ATP2B4: variants seen among roughly 807,000 people sequenced by gnomAD.
ATP2B4 encodes the protein ATPase plasma membrane Ca2+ transporting 4, also known as plasma membrane calcium-transporting ATPase 4.
Under a neutral mutation model 110.3 loss-of-function variants are expected in ATP2B4, and 39 were observed. The observed-to-expected ratio is 0.35, with a 90% CI of 0.27 to 0.46. ATP2B4 has a LOEUF of 0.46. ATP2B4 is among the 20% of genes least tolerant of loss of function. ATP2B4 has a pLI of 1.00. For missense variants in ATP2B4, 1,135 were observed against 1,530.9 expected (o/e 0.74, Z 4.32); for synonymous variants, 538 against 571.7 (o/e 0.94, Z 0.84).
At chr1:203,738,230 C>A (rs1226057744) in intron 20 of ATP2B4, among the ~76,000 whole-genome samples, 1 of 151,992 alleles carries the variant, frequency 6.6e-6, no homozygotes, top group African/African-American at 2.4e-5. Context: ...CGTCCTACAA[C>A]CATTTACCTT....
intron 15 of ATP2B4, among the ~76,000 whole-genome samples, chr1:203,719,225 G>GAAAAAAAAAAAAAA (rs60841821): frequency 1.3e-4 from 7 of 54,410 alleles, no homozygotes; most frequent in African/African-American, 4.5e-4. Context: ...ACCCTGTCTC[G>GAAAAAAAAAAAAAA]AAAAAAAAAA....
At chr1:203,723,742 C>A in intron 18 of ATP2B4, 139 bp from the exon 19 acceptor site, 1 of 626,300 alleles carries the variant, frequency 1.6e-6, no homozygotes. Flanking sequence ...TCTTCTTTTC[C>A]CTTCCCCTGC....
intron 20 of ATP2B4, chr1:203,728,401 G>T: frequency 3.7e-6 from 1 of 267,806 alleles, no homozygotes. Flanking sequence ...ACCCCCCATA[G>T]CTTTATTGTT....
intron 1 of ATP2B4, among the ~76,000 whole-genome samples, chr1:203,665,331 G>A (rs1664472183): frequency 6.6e-6 from 1 of 152,224 alleles, no homozygotes; most frequent in South Asian, 2.1e-4. Context: ...CCCACGCTGT[G>A]ATGAGCTCTC....
intron 2 of ATP2B4, among the ~76,000 whole-genome samples, chr1:203,686,676 C>CTTTCTTTTTTTTTTTTTTTTTTT (rs1571722115): frequency 1.9e-5 from 1 of 52,296 alleles, no homozygotes; most frequent in East Asian, 1.3e-3. Flanking sequence ...GTTTTTCTTT[C>CTTTCTTTTTTTTTTTTTTTTTTT]TTTTCTTTCT....
chr1:203,650,714 G>T (rs1420888222), intron 1 of ATP2B4, among the ~76,000 whole-genome samples: 1 of 152,194 alleles, frequency 6.6e-6, no homozygotes, highest in Non-Finnish European at 1.5e-5. Context: ...ACTCGCTGGT[G>T]CGAGGCTCAG....
chr1:203,730,034 G>A (rs1666652341), intron 20 of ATP2B4, among the ~76,000 whole-genome samples: 1 of 152,060 alleles, frequency 6.6e-6, no homozygotes, highest in Non-Finnish European at 1.5e-5. Context: ...CCGAAAAAGT[G>A]GCAGAAAAGC....
intron 1 of ATP2B4, among the ~76,000 whole-genome samples, chr1:203,647,517 T>C (rs988544832): frequency 1.2e-4 from 19 of 152,120 alleles, no homozygotes; most frequent in African/African-American, 4.1e-4. Context: ...CCCAACACTT[T>C]GGGAGGCAAA....
intron 19 of ATP2B4, among the ~76,000 whole-genome samples, chr1:203,726,626 T>G (rs1460093483): frequency 6.6e-6 from 1 of 152,120 alleles, no homozygotes; most frequent in Non-Finnish European, 1.5e-5. Context: ...ATTCTTCCCA[T>G]TTCAAAACCC....
chr1:203,655,296 G>T (rs555060160), intron 1 of ATP2B4, among the ~76,000 whole-genome samples: 12 of 152,242 alleles, frequency 7.9e-5, no homozygotes, highest in African/African-American at 2.6e-4. Flanking sequence ...CTTCAATTTT[G>T]AAAGAAGTTC....
chr1:203,686,269 G>C (rs1468958577), intron 2 of ATP2B4, among the ~76,000 whole-genome samples: 1 of 152,100 alleles, frequency 6.6e-6, no homozygotes, highest in Admixed American at 6.6e-5. Flanking sequence ...TTCCTATGCT[G>C]TTCTTGATCC....
intron 2 of ATP2B4, among the ~76,000 whole-genome samples, chr1:203,697,645 A>T (rs1197698928): frequency 3.9e-5 from 6 of 152,162 alleles, no homozygotes; most frequent in Non-Finnish European, 7.3e-5. Context: ...GCAGATTAGG[A>T]TGGTTGTCTC....
At chr1:203,656,603 G>A (rs1201383288) in intron 1 of ATP2B4, among the ~76,000 whole-genome samples, 4 of 152,174 alleles carry the variant, frequency 2.6e-5, no homozygotes, top group Non-Finnish European at 4.4e-5. Flanking sequence ...AATGAATAAC[G>A]AGGTAGAAGA....
chr1:203,715,474 A>C (rs1281572458), intron 15 of ATP2B4, among the ~76,000 whole-genome samples: 1 of 141,810 alleles, frequency 7.1e-6, no homozygotes. Flanking sequence ...AATCACTTGA[A>C]CCTGGGAGGC....
rs186801643 is a variant in ATP2B4 at position 203,691,648 on chromosome 1, G to A, written c.194-6509G>A. On this transcript the variant is annotated intron_variant, in intron 2 of 20. Transcript: ENST00000357681. ...TTCATCATCCTCTGGCTGTGACCTT[G>A]AATCAACTGCTTTATCTCTAGGAGC... Among the ~76,000 whole-genome samples, 452 of 152,334 alleles carry A rather than the reference G, an allele frequency of 3.0e-3. 1 individual carries two copies. Among genetic ancestry groups the A allele is most frequent in the African/African-American group, 0.01 (431 of 41,576 alleles).
At chr1:203,725,346 A>C (rs556175610) in intron 19 of ATP2B4, among the ~76,000 whole-genome samples, 1 of 151,988 alleles carries the variant, frequency 6.6e-6, no homozygotes, top group Non-Finnish European at 1.5e-5. Flanking sequence ...ACAGGGTTTC[A>C]CCATGTTGGC....
In ATP2B4 at chr1:203,655,629, T is replaced by C. The variant is rs975222198; in HGVS notation, c.-464-27113T>C. Among the ~76,000 whole-genome samples, 5 of 151,326 alleles carry C rather than the reference T, an allele frequency of 3.3e-5. No individual in the cohort carries two copies. In the East Asian group the frequency reaches 9.7e-4, roughly 29 times the overall value. ...TCAGTGCACTCCAGCCTGGGCAACATAGCAAGACTCCATCTCAAATAATAA... is the reference window on the plus strand; with the variant it reads ...TCAGTGCACTCCAGCCTGGGCAACACAGCAAGACTCCATCTCAAATAATAA... On this transcript the variant is annotated intron_variant, in intron 1 of 20. Coordinates refer to ENST00000357681, the MANE Select transcript of ATP2B4 (RefSeq NM_001684.5).
chr1:203,709,479 T>C lies in ATP2B4; in HGVS notation c.1736T>C (p.Ile579Thr). The C allele has an allele frequency of 6.2e-7, 1 of 1,614,154 alleles. No homozygotes were observed. Among genetic ancestry groups the C allele is most frequent in the Non-Finnish European group, 8.5e-7 (1 of 1,180,016 alleles). The change falls in exon 11 of 21, where the codon ATC becomes ACC. Residue 579 changes from isoleucine (I) to threonine (T), a missense_variant. Ile to Thr is a moderately conservative substitution (Grantham distance 89). Transcript: ENST00000357681. ...NSVRKSMSTVIRNPNGGFRMY... is the reference protein window; with the variant it reads ...NSVRKSMSTVTRNPNGGFRMY... ...GTGCGCAAGTCAATGAGCACCGTCA[T>C]CAGGAATCCCAACGGTGGCTTCCGT...
intron 1 of ATP2B4, among the ~76,000 whole-genome samples, chr1:203,676,740 C>A (rs1190081057): frequency 1.5e-4 from 23 of 149,998 alleles, no homozygotes; most frequent in Admixed American, 1.5e-3. Context: ...CACCACTGGG[C>A]TCTCCAGGCA....
Sources: gnomAD v4.1 joint callset for allele counts (sites outside exome capture counted in the v4.1 genomes callset) on GRCh38, gnomAD v4.1.1 for gene constraint, MANE v1.5 for transcripts, NCBI Gene and HGNC (gene_info 2026-07-23, HGNC 2026-07-21) for gene names.